Variants in CSNK1D observed in about 807,000 individuals in gnomAD.
The protein encoded by CSNK1D is casein kinase 1 delta.
In CSNK1D, 16 loss-of-function variants were observed where a neutral mutation model predicts 46.6. The observed-to-expected ratio is 0.34, with a 90% CI of 0.23 to 0.52. The LOEUF is 0.52. CSNK1D is among the 20% of genes least tolerant of loss of function. CSNK1D has a pLI of 0.95. For missense variants in CSNK1D, 398 were observed against 578.4 expected (o/e 0.69, Z 3.20); for synonymous variants, 276 against 228.2 (o/e 1.21, Z -1.89).
At position 82,250,493 on chromosome 17, in the gene CSNK1D, G is replaced by A; in HGVS notation, c.885+886C>T. Reference sequence around the variant, plus strand: ...ACAGCCCCGGCAGAGGGACTGATCTGCCCTGCCGAGTGCACCCCTCCCGGC... The same window carrying A: ...ACAGCCCCGGCAGAGGGACTGATCTACCCTGCCGAGTGCACCCCTCCCGGC... On this transcript the variant is annotated intron_variant, in intron 6 of 8. Coordinates refer to ENST00000314028, the MANE Select transcript of CSNK1D (RefSeq NM_001893.6). The surrounding 1 kb of genome is among the most constrained non-coding windows in gnomAD (Gnocchi z 4.6). 1 of 288,564 alleles carries A rather than the reference G, an allele frequency of 3.5e-6. No homozygotes were observed. The highest frequency in any genetic ancestry group is 7.0e-6 in the Non-Finnish European group (1 of 143,346). 17.9% of individuals were successfully genotyped at this position (288,564 alleles called of 1,614,324 possible).
chr17:82,245,792 C>T (rs373853481), intron 8 of CSNK1D, among the ~76,000 whole-genome samples: 10 of 152,234 alleles, frequency 6.6e-5, no homozygotes. Context: ...CAGCCTCCCC[C>T]CAAGACTGGG....
Position 82,244,479 on chromosome 17 carries a change from TGGAGGGA to T in CSNK1D, c.*295_*301del. 2 of 1,379,082 alleles carry T rather than the reference TGGAGGGA, an allele frequency of 1.5e-6. No individual in the cohort carries two copies. The highest frequency in any genetic ancestry group is 1.9e-6 in the Non-Finnish European group (2 of 1,062,300). 85.4% of individuals were successfully genotyped at this position (1,379,082 alleles called of 1,614,324 possible). On this transcript the variant is annotated 3_prime_UTR_variant, in exon 9 of 9. Transcript: ENST00000314028. ...TCAGGGAGTACAGGGCGGCCACCAC[TGGAGGGA>T]GCTGAGGCCCTGGAAAAGGAGTCTG...
At chr17:82,256,707 T>C (rs1038730748) in intron 2 of CSNK1D, among the ~76,000 whole-genome samples, 23 of 152,082 alleles carry the variant, frequency 1.5e-4, no homozygotes, top group Admixed American at 1.5e-3. Flanking sequence ...CAGCAACAGG[T>C]GGGTTTCTCA....
rs1371994505 is a variant in CSNK1D, at chr17:82,243,654, C to G, written c.*1127G>C. 1.0e-6 allele frequency: 1 copy of G among 985,414 alleles called. No homozygotes were observed. 61.0% of individuals were successfully genotyped at this position (985,414 alleles called of 1,614,324 possible). A position where few individuals can be genotyped will look rare whatever the true frequency, so the allele number is the denominator to read the frequency against. On this transcript the variant is annotated 3_prime_UTR_variant, in exon 9 of 9. Transcript: ENST00000314028. ...GCTCCTTGGCACCTCAGGGTGGGTCCTTCTGGCCTGCCGGCTTTTCTGAGC... is the reference window on the plus strand; with the variant it reads ...GCTCCTTGGCACCTCAGGGTGGGTCGTTCTGGCCTGCCGGCTTTTCTGAGC...
chr17:82,245,927 TCCCACCCACCTGG>T, intron 8 of CSNK1D: 6 of 1,556,808 alleles, frequency 3.9e-6, no homozygotes, highest in Non-Finnish European at 5.2e-6. Context: ...GCATGGTGGC[TCCCACCCACCTGG>T]CGCTGCTGCC....
At chr17:82,246,089 ACTAC>A in intron 8 of CSNK1D, 1 of 1,578,378 alleles carries the variant, frequency 6.3e-7, no homozygotes, top group East Asian at 2.4e-5. Context: ...TGGCCCCCTG[ACTAC>A]CTGTGTCGGC....
rs1191356864 is a variant in CSNK1D at position 82,243,516 on chromosome 17, C to T, written c.*1265G>A. ...CCACCTGCCTTCTGGTGGGACTCGG[C>T]CCCACGCACGCTGCTTCACTTCTGA... On this transcript the variant is annotated 3_prime_UTR_variant, in exon 9 of 9. Coordinates refer to ENST00000314028, the MANE Select transcript of CSNK1D (RefSeq NM_001893.6). The T allele has an allele frequency of 2.0e-6, 2 of 985,476 alleles. No homozygotes were observed. Among genetic ancestry groups the T allele is most frequent in the Non-Finnish European group, 2.4e-6 (2 of 829,970 alleles). 61.0% of individuals were successfully genotyped at this position (985,476 alleles called of 1,614,324 possible). A position where few individuals can be genotyped will look rare whatever the true frequency, so the allele number is the denominator to read the frequency against.
chr17:82,249,393 C>A lies in CSNK1D; in HGVS notation c.1057+38G>T, dbSNP rs2050937574. 1.3e-6 allele frequency: 2 copies of A among 1,532,540 alleles called. No homozygotes were observed. Among genetic ancestry groups the A allele is most frequent in the Non-Finnish European group, 1.7e-6 (2 of 1,143,742 alleles). The allele number at this position is 1,532,540 out of a possible 1,614,324, so 94.9% of individuals were successfully genotyped here. ...AACCCCAAGACACAAGAAGTCACCC[C>A]AGAGCCAGCCCCAGAGCGCTGGGAG... On this transcript the variant is annotated intron_variant, in intron 7 of 8. Coordinates refer to ENST00000314028, the MANE Select transcript of CSNK1D (RefSeq NM_001893.6). The surrounding 1 kb of genome is among the most constrained non-coding windows in gnomAD (Gnocchi z 6.7).
intron 2 of CSNK1D, among the ~76,000 whole-genome samples, chr17:82,262,258 CA>C (rs1249974062): frequency 6.6e-6 from 1 of 152,248 alleles, no homozygotes; most frequent in African/African-American, 2.4e-5. Context: ...TCTCTGGGAG[CA>C]GACAGCTGCT....
chr17:82,245,134 A>G, intron 8 of CSNK1D: 1 of 566,230 alleles, frequency 1.8e-6, no homozygotes, highest in Non-Finnish European at 3.2e-6. Context: ...CCCTTCCTGG[A>G]AAGGAACCTG....
At position 82,249,030 on chromosome 17, in the gene CSNK1D, G is replaced by A; in HGVS notation, c.1058-16C>T. 1 of 1,552,164 alleles carries A rather than the reference G, an allele frequency of 6.4e-7. No homozygotes were observed. The highest frequency in any genetic ancestry group is 8.7e-7 in the Non-Finnish European group (1 of 1,147,440). The stretch of plus-strand genomic sequence containing the variant: ...GAGGTGTTAGCTGAGGACAGGGAGA[G>A]AAACGGAGTGGGCCGCCCCCGTCTG... On this transcript the variant is annotated splice_polypyrimidine_tract_variant and intron_variant, in intron 7 of 8. Coordinates refer to ENST00000314028, the MANE Select transcript of CSNK1D (RefSeq NM_001893.6). The surrounding 1 kb of genome is among the most constrained non-coding windows in gnomAD (Gnocchi z 6.7).
At chr17:82,240,670 C>G (rs1413333338), downstream of CSNK1D, among the ~76,000 whole-genome samples, 1 of 152,214 alleles carries the variant, frequency 6.6e-6, no homozygotes. Context: ...CAGCACACAG[C>G]AGAGGCTCAA....
intron 2 of CSNK1D, 101 bp downstream of exon 2, chr17:82,265,585 C>G: frequency 1.1e-6 from 1 of 945,872 alleles, no homozygotes; most frequent in African/African-American, 1.6e-5. Context: ...TCCCTTTTGC[C>G]CAGAACCAGT....
At chr17:82,241,818 G>C (rs1394275287), downstream of CSNK1D, among the ~76,000 whole-genome samples, 2 of 152,242 alleles carry the variant, frequency 1.3e-5, no homozygotes, top group Admixed American at 1.3e-4. Flanking sequence ...AGGAGGGGCT[G>C]GCAGAGCTCC....
chr17:82,249,028 G>T lies in CSNK1D; in HGVS notation c.1058-14C>A. On this transcript the variant is annotated splice_polypyrimidine_tract_variant and intron_variant, in intron 7 of 8. Coordinates refer to ENST00000314028, the MANE Select transcript of CSNK1D (RefSeq NM_001893.6). This position sits in a 1 kb window ranked among gnomAD's most constrained non-coding sequence, Gnocchi z 6.7. ...GGGAGGTGTTAGCTGAGGACAGGGA[G>T]AGAAACGGAGTGGGCCGCCCCCGTC... is the stretch of plus-strand genomic sequence containing the variant. 1 of 1,552,598 alleles carries T rather than the reference G, an allele frequency of 6.4e-7. No individual in the cohort carries two copies. The highest frequency in any genetic ancestry group is 1.2e-5 in the South Asian group (1 of 84,446).
Position 82,250,891 on chromosome 17 carries a change from GT to G in CSNK1D, c.885+487del, listed in dbSNP as rs1220730638. 5.6e-5 allele frequency: 12 copies of G among 215,282 alleles called. 1 individual carries two copies. The South Asian group carries it at 7.7e-4, about 14-fold the overall frequency. The allele number at this position is 215,282 out of a possible 1,614,324, so 13.3% of individuals were successfully genotyped here. ...ACATGGACCCAGGGCTGGGCTGCCT[GT>G]TTTAGAGGCTCCACTGCATACTCAC... On this transcript the variant is annotated intron_variant, in intron 6 of 8. Coordinates refer to ENST00000314028, the MANE Select transcript of CSNK1D (RefSeq NM_001893.6). The surrounding 1 kb of genome is among the most constrained non-coding windows in gnomAD (Gnocchi z 4.6).
chr17:82,243,578 G>A lies in CSNK1D; in HGVS notation c.*1203C>T. 1.0e-6 allele frequency: 1 copy of A among 985,496 alleles called. No homozygotes were observed. Among genetic ancestry groups the A allele is most frequent in the Non-Finnish European group, 1.2e-6 (1 of 829,966 alleles). 61.0% of individuals were successfully genotyped at this position (985,496 alleles called of 1,614,324 possible). A position where few individuals can be genotyped will look rare whatever the true frequency, so the allele number is the denominator to read the frequency against. The stretch of plus-strand genomic sequence containing the variant: ...GCGCCCAACAGAAGGTCACAGCGCA[G>A]ACTCTACTTTCTGGCCGTGAAGGTT... On this transcript the variant is annotated 3_prime_UTR_variant, in exon 9 of 9. Coordinates refer to ENST00000314028, the MANE Select transcript of CSNK1D (RefSeq NM_001893.6).
At position 82,248,733 on chromosome 17, in the gene CSNK1D, G is replaced by A; in HGVS notation, c.1197+142C>T. On this transcript the variant is annotated intron_variant, in intron 8 of 8. Transcript: ENST00000314028. This position sits in a 1 kb window ranked among gnomAD's most constrained non-coding sequence, Gnocchi z 4.1. ...CCCGAGAAGCCTCATCTGCAACCAA[G>A]ACGCCACACCCTGGCGAGATTAAAA... 6.7e-7 allele frequency: 1 copy of A among 1,481,698 alleles called. No homozygotes were observed. The highest frequency in any genetic ancestry group is 8.9e-7 in the Non-Finnish European group (1 of 1,117,320). 91.8% of individuals were successfully genotyped at this position (1,481,698 alleles called of 1,614,324 possible). A position where few individuals can be genotyped will look rare whatever the true frequency, so the allele number is the denominator to read the frequency against.
chr17:82,240,132 C>T, downstream of CSNK1D: 1 of 1,148,566 alleles, frequency 8.7e-7, no homozygotes, highest in Non-Finnish European at 1.1e-6. Context: ...TGGCCTTGCG[C>T]CAGCTGGGCT....
Sources: gnomAD v4.1 joint callset for allele counts (sites outside exome capture counted in the v4.1 genomes callset) on GRCh38, gnomAD v4.1.1 for gene constraint, Gnocchi (gnomAD v3.1) non-coding constraint, MANE v1.5 for transcripts, NCBI Gene and HGNC (gene_info 2026-07-23, HGNC 2026-07-21) for gene names.